Variants in DDAH1 observed in about 807,000 individuals in gnomAD.
DDAH1 encodes the protein dimethylarginine dimethylaminohydrolase 1.
Under a neutral mutation model 28.8 loss-of-function variants are expected in DDAH1, and 19 were observed. The ratio of observed to expected loss-of-function variants is 0.66; its 90% CI spans 0.46 to 0.97. The LOEUF is 0.97. DDAH1 is among the 50% of genes least tolerant of loss of function. The pLI, the probability that DDAH1 is intolerant of heterozygous loss-of-function variation, is 0.00. For missense variants in DDAH1, 326 were observed against 375.9 expected (o/e 0.87, Z 1.10); for synonymous variants, 153 against 154.4 (o/e 0.99, Z 0.07).
intron 1 of DDAH1, among the ~76,000 whole-genome samples, chr1:85,416,257 T>G (rs1174140772): frequency 6.6e-6 from 1 of 151,268 alleles, no homozygotes; most frequent in Non-Finnish European, 1.5e-5. Flanking sequence ...TTTGTTTTTT[T>G]GGGTTTTTTT....
chr1:85,324,838 G>C lies in DDAH1; in HGVS notation c.643C>G (p.Pro215Ala). The change falls in exon 5 of 6, where the codon CCT (proline) becomes GCT (alanine). Residue 215 changes from proline (P) to alanine (A), a missense_variant. Transcript: ENST00000284031. ...ATACAGTTTGCTGCTATGTCATCAG[G>C]CACAGTGAGTTTGTCGTAGCGGTGG... ...SDHRYDKLTV[P>A]DDIAANCIYL... 2 of 1,614,098 alleles carry C rather than the reference G, an allele frequency of 1.2e-6. No individual in the cohort carries two copies. Among genetic ancestry groups the C allele is most frequent in the Non-Finnish European group, 1.7e-6 (2 of 1,180,006 alleles).
At chr1:85,437,090 T>C (rs1653975794) in intron 1 of DDAH1, among the ~76,000 whole-genome samples, 1 of 151,690 alleles carries the variant, frequency 6.6e-6, no homozygotes, top group African/African-American at 2.4e-5. Flanking sequence ...AAAAAGACAA[T>C]GCAGCTTCCA....
chr1:85,506,311 G>A (rs1657014679), intron 1 of DDAH1, among the ~76,000 whole-genome samples: 2 of 152,132 alleles, frequency 1.3e-5, no homozygotes, highest in Admixed American at 1.3e-4. Context: ...GAAAGAGTGA[G>A]CATTAAGTCC....
chr1:85,340,297 C>T (rs969863631), intron 4 of DDAH1, among the ~76,000 whole-genome samples: 1 of 152,188 alleles, frequency 6.6e-6, no homozygotes, highest in Non-Finnish European at 1.5e-5. Flanking sequence ...AATCCAGCAA[C>T]ATTTGCCCAC....
chr1:85,372,420 G>T (rs182256833), intron 1 of DDAH1, among the ~76,000 whole-genome samples: 2 of 152,166 alleles, frequency 1.3e-5, no homozygotes, highest in Admixed American at 1.3e-4. Flanking sequence ...GGCATCCTCA[G>T]CTGGAAAAGA....
intron 1 of DDAH1, among the ~76,000 whole-genome samples, chr1:85,453,491 G>C (rs1654755865): frequency 1.3e-5 from 2 of 152,066 alleles, no homozygotes; most frequent in South Asian, 4.1e-4. Flanking sequence ...AATCTTCAAG[G>C]CACTCATTTT....
chr1:85,416,693 G>A (rs1652903288), intron 1 of DDAH1, among the ~76,000 whole-genome samples: 1 of 151,952 alleles, frequency 6.6e-6, no homozygotes, highest in South Asian at 2.1e-4. Flanking sequence ...TTTGAAACAG[G>A]GTCTTGCTCT....
Position 85,543,255 on chromosome 1 carries a change from T to C in DDAH1, c.-123+34729A>G, listed in dbSNP as rs942245728. On this transcript the variant is annotated intron_variant, in intron 1 of 6. Coordinates refer to the DDAH1 transcript ENST00000426972. Reference sequence around the variant, plus strand: ...TTAAATTCTCAGTCACAACTATCTATATACATGTTCAACACATTGAAATTT... The same window carrying C: ...TTAAATTCTCAGTCACAACTATCTACATACATGTTCAACACATTGAAATTT... Among the ~76,000 whole-genome samples, 3 of 152,322 alleles carry C rather than the reference T, an allele frequency of 2.0e-5. No individual in the cohort carries two copies. The South Asian group carries it at 6.2e-4, about 32-fold the overall frequency.
intron 1 of DDAH1, among the ~76,000 whole-genome samples, chr1:85,421,487 T>C (rs1368392420): frequency 2.0e-5 from 3 of 152,158 alleles, no homozygotes; most frequent in Non-Finnish European, 2.9e-5. Flanking sequence ...TTTGCATACA[T>C]TGAGGTTTAT....
At chr1:85,475,858 T>A (rs1383740945) in intron 2 of DDAH1, among the ~76,000 whole-genome samples, 1 of 152,102 alleles carries the variant, frequency 6.6e-6, no homozygotes, top group Admixed American at 6.5e-5. Flanking sequence ...TGTTTTTGGT[T>A]TTGGTTTTTT....
intron 1 of DDAH1, among the ~76,000 whole-genome samples, chr1:85,403,425 C>T (rs1048762590): frequency 6.6e-6 from 1 of 152,098 alleles, no homozygotes; most frequent in Non-Finnish European, 1.5e-5. Context: ...TAAGGGTTGC[C>T]TAAACATCCC....
chr1:85,442,427 G>A (rs11806762), intron 1 of DDAH1, among the ~76,000 whole-genome samples: 584 of 152,120 alleles, frequency 3.8e-3, no homozygotes, highest in African/African-American at 0.013. Flanking sequence ...CCAGTCTATC[G>A]TTGATGGACA....
intron 1 of DDAH1, among the ~76,000 whole-genome samples, chr1:85,413,402 C>T (rs992107701): frequency 6.6e-6 from 1 of 152,200 alleles, no homozygotes; most frequent in East Asian, 1.9e-4. Flanking sequence ...AAATCTAATG[C>T]TCTGGCCCTT....
intron 1 of DDAH1, among the ~76,000 whole-genome samples, chr1:85,375,665 G>A (rs1278927004): frequency 3.3e-5 from 5 of 152,052 alleles, no homozygotes; most frequent in Non-Finnish European, 7.4e-5. Context: ...TTCATTCTAT[G>A]CAGTATTACT....
chr1:85,428,070 G>T (rs1314879105), intron 1 of DDAH1, among the ~76,000 whole-genome samples: 1 of 152,212 alleles, frequency 6.6e-6, no homozygotes, highest in Non-Finnish European at 1.5e-5. Flanking sequence ...TAACTGCCAT[G>T]AAGTGGTCTA....
intron 1 of DDAH1, among the ~76,000 whole-genome samples, chr1:85,438,447 T>C (rs1219674027): frequency 2.0e-5 from 3 of 152,202 alleles, no homozygotes; most frequent in Non-Finnish European, 4.4e-5. Context: ...TTAAAATCTA[T>C]TTGCCATCTG....
chr1:85,362,895 T>C (rs936272459), intron 1 of DDAH1, among the ~76,000 whole-genome samples: 1 of 152,214 alleles, frequency 6.6e-6, no homozygotes, highest in Admixed American at 6.5e-5. Flanking sequence ...AAACATCTTT[T>C]AAGTTCAGTT....
chr1:85,481,233 G>C (rs1383388159), intron 2 of DDAH1, among the ~76,000 whole-genome samples: 1 of 151,614 alleles, frequency 6.6e-6, no homozygotes, highest in Non-Finnish European at 1.5e-5. Context: ...AAGTAGCTGA[G>C]ATGACAGGTG....
rs914301823 is a variant in DDAH1, at chr1:85,323,778, T to C, written c.741+962A>G. 1.6e-4 allele frequency among the ~76,000 whole-genome samples: 24 copies of C among 151,908 alleles called. No homozygotes were observed. In the East Asian group the frequency reaches 4.5e-3, roughly 28 times the overall value. ...TTAAGCCCAGGAGTTTGAGACTAGC[T>C]TGGGCAACATAAGGAGACCCCGTCT... On this transcript the variant is annotated intron_variant, in intron 5 of 5. Coordinates refer to ENST00000284031, the MANE Select transcript of DDAH1 (RefSeq NM_012137.4).
Sources: allele counts gnomAD v4.1 joint callset (sites outside exome capture counted in the v4.1 genomes callset), GRCh38; gene constraint gnomAD v4.1.1; transcripts MANE v1.5; gene names NCBI Gene and HGNC (gene_info 2026-07-23, HGNC 2026-07-21).